The following HBS1L variants were observed in gnomAD, a reference collection of about 807,000 sequenced individuals.
The protein encoded by HBS1L is HBS1-like protein.
HBS1L carries 55 observed loss-of-function variants against 88.9 expected under a neutral mutation model. The observed-to-expected ratio is 0.62, with a 90% confidence interval of 0.50 to 0.77. HBS1L has a LOEUF of 0.77. Among genes scored for constraint, HBS1L ranks in the 30% least tolerant of loss-of-function variants. The pLI, the probability that HBS1L is intolerant of heterozygous loss-of-function variation, is 0.00. For missense variants in HBS1L, 741 were observed against 829.3 expected (o/e 0.89, Z 1.31); for synonymous variants, 267 against 288.5 (o/e 0.93, Z 0.76).
Position 134,982,410 on chromosome 6 carries a change from T to C in HBS1L, c.1597+48A>G, listed in dbSNP as rs148952920. On this transcript the variant is annotated intron_variant, in intron 13 of 17. Coordinates refer to ENST00000367837, the MANE Select transcript of HBS1L (RefSeq NM_006620.4). Reference sequence around the variant, plus strand: ...ACTAAACCACTTTTTAAAAATCTGCTGTCTCAACTTAAGGCTTGTTTAGCA... The same window carrying C: ...ACTAAACCACTTTTTAAAAATCTGCCGTCTCAACTTAAGGCTTGTTTAGCA... The C allele has an allele frequency of 6.2e-6, 7 of 1,132,170 alleles. No individual in the cohort carries two copies. The African/African-American group carries it at 9.2e-5, about 15-fold the overall frequency. 70.1% of individuals were successfully genotyped at this position (1,132,170 alleles called of 1,614,324 possible).
Position 134,969,283 on chromosome 6 carries a change from C to T in HBS1L, c.1853G>A (p.Ser618Asn). The change falls in exon 16 of 18, where the codon AGT (serine) becomes AAT (asparagine). Residue 618 changes from serine (S) to asparagine (N), a missense_variant. Physicochemically the swap from Ser to Asn is conservative, Grantham distance 46. This residue lies in a region of HBS1L where 181 missense variants were observed against 212.7 expected (regional missense o/e 0.85). Coordinates refer to ENST00000367837, the MANE Select transcript of HBS1L (RefSeq NM_006620.4). ...TTCACCCGTGCTTTTGTTTAAGACA[C>T]TAATCAATCGTTTAATAACGGCGGG... ...SEPAVIKRLI[S>N]VLNKSTGEVT... 1 of 1,613,878 alleles carries T rather than the reference C, an allele frequency of 6.2e-7. No homozygotes were observed. Among genetic ancestry groups the T allele is most frequent in the Non-Finnish European group, 8.5e-7 (1 of 1,179,846 alleles).
chr6:135,052,705 T>C (rs1777126475), intron 1 of HBS1L, among the ~76,000 whole-genome samples: 2 of 152,224 alleles, frequency 1.3e-5, no homozygotes, highest in African/African-American at 2.4e-5. Context: ...ATCTTCATAG[T>C]TTGTTTCCTC....
intron 4 of HBS1L, among the ~76,000 whole-genome samples, chr6:135,013,288 C>A (rs1014020): frequency 0.47 from 72,032 of 152,076 alleles, 17,304 homozygotes; most frequent in South Asian, 0.56. Context: ...TGGGTCTCTG[C>A]CAGTCACCAA....
chr6:134,979,361 T>C (rs1392974872), intron 13 of HBS1L, 93 bp from the exon 14 acceptor site: 1 of 810,348 alleles, frequency 1.2e-6, no homozygotes, highest in Non-Finnish European at 2.1e-6. Context: ...GCTTCATCAG[T>C]CACTACTCAT....
intron 4 of HBS1L, among the ~76,000 whole-genome samples, chr6:135,013,326 A>G (rs2114839566): frequency 6.6e-6 from 1 of 152,360 alleles, no homozygotes; most frequent in Admixed American, 6.5e-5. Flanking sequence ...CTCATGTGAT[A>G]CCAGGACATT....
At position 135,002,746 on chromosome 6, in the gene HBS1L, A is replaced by G; in HGVS notation, c.527T>C (p.Phe176Ser). The G allele has an allele frequency of 6.2e-7, 1 of 1,610,698 alleles. No homozygotes were observed. The highest frequency in any genetic ancestry group is 1.3e-5 in the African/African-American group (1 of 74,950). The change falls in exon 5 of 18, where the codon TTT (phenylalanine) becomes TCT (serine). Residue 176 changes from phenylalanine to serine, a missense_variant. Physicochemically the swap from Phe to Ser is radical, Grantham distance 155. Transcript: ENST00000367837. ...TVSGKKQTMG[F>S]EVPGVSSEEN... ...CTCAAAGTCTTACCCAGGCACTTCAAATCCCATAGTTTGCTTCTTTCCAGA... is the reference window on the plus strand; with the variant it reads ...CTCAAAGTCTTACCCAGGCACTTCAGATCCCATAGTTTGCTTCTTTCCAGA...
intron 4 of HBS1L, chr6:135,038,169 G>T: frequency 1.6e-6 from 1 of 630,762 alleles, no homozygotes; most frequent in Non-Finnish European, 2.6e-6. Flanking sequence ...AGTGATACTT[G>T]ATCATTACTT....
Position 134,986,813 on chromosome 6 carries a change from G to A in HBS1L, c.1231-3C>T. On this transcript the variant is annotated splice_polypyrimidine_tract_variant and splice_region_variant and intron_variant, in intron 9 of 17. Transcript: ENST00000367837. ...AACCTTTCTTGTTGCCAATTAACCT[G>A]ATAAAGATCCAATTTATTTTTAAAA... 6.6e-7 allele frequency: 1 copy of A among 1,505,204 alleles called. No individual in the cohort carries two copies. Among genetic ancestry groups the A allele is most frequent in the Non-Finnish European group, 9.0e-7 (1 of 1,115,912 alleles). The allele number at this position is 1,505,204 out of a possible 1,614,324, so 93.2% of individuals were successfully genotyped here.
chr6:134,994,157 T>C (rs778571878), intron 7 of HBS1L, among the ~76,000 whole-genome samples: 1 of 152,038 alleles, frequency 6.6e-6, no homozygotes, highest in Non-Finnish European at 1.5e-5. Context: ...ATAGTGTAAA[T>C]TGTGAAGAAG....
At chr6:134,965,367 T>G (rs13199205) in intron 17 of HBS1L, 77 bp from the exon 18 acceptor site, 2 of 997,072 alleles carry the variant, frequency 2.0e-6, no homozygotes, top group Non-Finnish European at 3.0e-6. Flanking sequence ...GGGAAAATTA[T>G]GGTGAAAGAA....
intron 16 of HBS1L, 39 bp from the exon 17 acceptor site, chr6:134,966,512 A>C (rs1774320698): frequency 7.4e-7 from 1 of 1,346,790 alleles, no homozygotes; most frequent in African/African-American, 1.5e-5. Flanking sequence ...TATATGATAG[A>C]GGTGAATAAA....
chr6:135,011,075 C>A (rs1274153641), intron 4 of HBS1L, among the ~76,000 whole-genome samples: 1 of 152,072 alleles, frequency 6.6e-6, no homozygotes, highest in African/African-American at 2.4e-5. Flanking sequence ...GGAACACTGG[C>A]AATTCATTTG....
chr6:134,990,899 T>C (rs1336975662), intron 8 of HBS1L, among the ~76,000 whole-genome samples: 2 of 152,144 alleles, frequency 1.3e-5, no homozygotes, highest in East Asian at 1.9e-4. Flanking sequence ...GGTCCTAGAA[T>C]TCAGAAGTAT....
intron 4 of HBS1L, among the ~76,000 whole-genome samples, chr6:135,021,060 T>G (rs551401366): frequency 2.0e-5 from 3 of 152,204 alleles, no homozygotes; most frequent in South Asian, 2.1e-4. Context: ...GCTGGTTCTA[T>G]CCTTTACTGG....
chr6:134,969,835 A>C (rs769822777), intron 15 of HBS1L, among the ~76,000 whole-genome samples: 5 of 152,208 alleles, frequency 3.3e-5, no homozygotes, highest in East Asian at 3.8e-4. Context: ...GATCAGACAC[A>C]GTGCTTGCCA....
chr6:134,993,449 G>C (rs1775202151), intron 8 of HBS1L, among the ~76,000 whole-genome samples: 1 of 151,926 alleles, frequency 6.6e-6, no homozygotes. Flanking sequence ...GAAATACTCA[G>C]GCCAACTTAT....
At chr6:135,048,482 G>A (rs570001197) in intron 2 of HBS1L, among the ~76,000 whole-genome samples, 1 of 152,222 alleles carries the variant, frequency 6.6e-6, no homozygotes, top group African/African-American at 2.4e-5. Flanking sequence ...TCTGAGTCCT[G>A]GCCCCACAGT....
chr6:135,003,879 TA>T (rs1775535408), intron 4 of HBS1L, among the ~76,000 whole-genome samples: 1 of 151,746 alleles, frequency 6.6e-6, no homozygotes, highest in Non-Finnish European at 1.5e-5. Context: ...AATAAATGAA[TA>T]AATAAATAAA....
In HBS1L at chr6:135,045,672, C is replaced by T. The variant is rs1164038007; in HGVS notation, c.110-3546G>A. On this transcript the variant is annotated intron_variant, in intron 2 of 17. Coordinates refer to ENST00000367837, the MANE Select transcript of HBS1L (RefSeq NM_006620.4). ...CCAACATGGCAAAACCCCATCTCTA[C>T]TAAAAATACAAAATTAGCTAGGCGT... Among the ~76,000 whole-genome samples the T allele has an allele frequency of 4.6e-5, 7 of 152,106 alleles. No individual in the cohort carries two copies. In the East Asian group the frequency reaches 1.4e-3, roughly 29 times the overall value.
Sources: allele counts gnomAD v4.1 joint callset (sites outside exome capture counted in the v4.1 genomes callset), GRCh38; gene constraint gnomAD v4.1.1; regional missense constraint gnomAD v4.1.1; transcripts MANE v1.5; gene names NCBI Gene and HGNC (gene_info 2026-07-23, HGNC 2026-07-21).